ADAMTS16: variants seen among roughly 807,000 people sequenced by gnomAD.
ADAMTS16 encodes the protein ADAM metallopeptidase with thrombospondin type 1 motif 16.
A neutral mutation model predicts 145.8 loss-of-function variants in ADAMTS16; 94 were observed. The ratio of observed to expected loss-of-function variants is 0.64; its 90% CI spans 0.55 to 0.77. The LOEUF is 0.77. Among genes scored for constraint, ADAMTS16 ranks in the 30% least tolerant of loss-of-function variants. The pLI is 0.00. For missense variants in ADAMTS16, 1,585 were observed against 1,591.5 expected (o/e 1.00, Z 0.07); for synonymous variants, 659 against 604.3 (o/e 1.09, Z -1.33).
chr5:5,220,139 A>G (rs1030528613), intron 10 of ADAMTS16, among the ~76,000 whole-genome samples: 9 of 150,860 alleles, frequency 6.0e-5, no homozygotes, highest in Non-Finnish European at 1.2e-4. Flanking sequence ...GATAAGGAAC[A>G]TAGTAAAATA....
chr5:5,241,809 C>T (rs764899153), intron 16 of ADAMTS16, among the ~76,000 whole-genome samples: 2 of 146,168 alleles, frequency 1.4e-5, no homozygotes, highest in Non-Finnish European at 3.0e-5. Flanking sequence ...TGAAGTTTTA[C>T]ATGCGGGCAT....
chr5:5,229,304 CAAAAA>C (rs1195176050), intron 11 of ADAMTS16, among the ~76,000 whole-genome samples: 2 of 75,542 alleles, frequency 2.6e-5, no homozygotes, highest in Non-Finnish European at 4.9e-5. Context: ...GACTCCGTCT[CAAAAA>C]AAAAAAAAAA....
In ADAMTS16 at chr5:5,186,217, A is replaced by C; in HGVS notation, c.929A>C (p.Asn310Thr). ...KKMMQNHGHE[N>T]ITTYVLTILN... Reference sequence around the variant, plus strand: ...ATGATGCAAAACCATGGCCATGAAAATATCACCACCTACGTGCTCACGATA... The same window carrying C: ...ATGATGCAAAACCATGGCCATGAAACTATCACCACCTACGTGCTCACGATA... Residue 310 changes from asparagine to threonine, a missense_variant, in exon 5 of 23, where the codon AAT (asparagine) becomes ACT (threonine). Transcript: ENST00000274181. 6.2e-7 allele frequency: 1 copy of C among 1,613,914 alleles called. No homozygotes were observed. The highest frequency in any genetic ancestry group is 8.5e-7 in the Non-Finnish European group (1 of 1,180,006).
At chr5:5,234,597 C>T (rs564595957) in intron 12 of ADAMTS16, among the ~76,000 whole-genome samples, 33 of 152,248 alleles carry the variant, frequency 2.2e-4, no homozygotes, top group African/African-American at 7.5e-4. Flanking sequence ...TCCAGCTGGG[C>T]GTGGTGGCTT....
chr5:5,272,360 A>T (rs371373365), intron 18 of ADAMTS16, among the ~76,000 whole-genome samples: 4 of 122,504 alleles, frequency 3.3e-5, no homozygotes, highest in South Asian at 2.9e-4. Flanking sequence ...ATTCCAAAGG[A>T]TTTTTTTTTT....
chr5:5,301,357 A>T (rs1318003932), intron 18 of ADAMTS16, among the ~76,000 whole-genome samples: 1 of 152,210 alleles, frequency 6.6e-6, no homozygotes, highest in Non-Finnish European at 1.5e-5. Flanking sequence ...TGCTGGGATT[A>T]CAGGCGTGAG....
intron 18 of ADAMTS16, among the ~76,000 whole-genome samples, chr5:5,275,246 A>G (rs1471446382): frequency 6.6e-6 from 1 of 152,204 alleles, no homozygotes; most frequent in Non-Finnish European, 1.5e-5. Flanking sequence ...TTCCAAATGT[A>G]TGGAAGCTTC....
At chr5:5,198,399 T>C (rs538824843) in intron 8 of ADAMTS16, among the ~76,000 whole-genome samples, 1 of 152,294 alleles carries the variant, frequency 6.6e-6, no homozygotes, top group East Asian at 1.9e-4. Context: ...TTGGTACTGA[T>C]CAAGAATTTT....
Position 5,157,555 on chromosome 5 carries a change from A to G in ADAMTS16, c.501+11100A>G, listed in dbSNP as rs148856262. Among the ~76,000 whole-genome samples the G allele has an allele frequency of 7.9e-3, 1,207 of 152,278 alleles. 65 individuals carry two copies. The highest frequency in any genetic ancestry group is 0.075 in the Admixed American group (1,150 of 15,292). ...CATCTGGTGGCTCTAATTTTCTGTC[A>G]CTGAATAGGTATTTGTACAGCCCTT... is the stretch of plus-strand genomic sequence containing the variant. On this transcript the variant is annotated intron_variant, in intron 3 of 22. Coordinates refer to ENST00000274181, the MANE Select transcript of ADAMTS16 (RefSeq NM_139056.4).
intron 18 of ADAMTS16, among the ~76,000 whole-genome samples, chr5:5,270,339 C>T (rs558793441): frequency 3.6e-4 from 55 of 152,264 alleles, no homozygotes; most frequent in African/African-American, 1.3e-3. Context: ...CAGACAAAGG[C>T]GCTGGGCGGC....
At chr5:5,203,215 C>T (rs1451237565) in intron 9 of ADAMTS16, among the ~76,000 whole-genome samples, 8 of 152,186 alleles carry the variant, frequency 5.3e-5, no homozygotes, top group Non-Finnish European at 1.0e-4. Flanking sequence ...AAGAAAGTCT[C>T]TTGTTGTTAA....
chr5:5,217,480 A>G (rs553624941), intron 10 of ADAMTS16, among the ~76,000 whole-genome samples: 1 of 152,322 alleles, frequency 6.6e-6, no homozygotes, highest in African/African-American at 2.4e-5. Flanking sequence ...GAATTTTTAT[A>G]GTTTCAGGTC....
Position 5,191,779 on chromosome 5 carries a change from G to A in ADAMTS16, c.1302G>A (p.Glu434=), listed in dbSNP as rs747317880. The change falls in exon 8 of 23, where the codon GAG becomes GAA. Residue 434 remains glutamate (E), a synonymous_variant. Transcript: ENST00000274181. ...GACTGGCCTTCACCATTGCCCATGA[G>A]TCTGGACACAAGTAAGTGCATCTCC... The part of the protein sequence containing the change: ...GLGLAFTIAH[E]SGHNFGMIHD... 1.9e-5 allele frequency: 30 copies of A among 1,611,612 alleles called. No individual in the cohort carries two copies. The highest frequency in any genetic ancestry group is 2.3e-5 in the Non-Finnish European group (27 of 1,179,000).
Position 5,303,316 on chromosome 5 carries a change from T to A in ADAMTS16, c.2838T>A (p.Gly946=). 6.4e-7 allele frequency: 1 copy of A among 1,567,472 alleles called. No homozygotes were observed. Among genetic ancestry groups the A allele is most frequent in the Non-Finnish European group, 8.6e-7 (1 of 1,157,006 alleles). ...WSACSRTCGG[G]AQSRPVQCTR... ...CCTGCAGTCGGACGTGTGGCGGGGG[T>A]GCCCAGAGCCGCCCCGTGCAGTGCA... The change falls in exon 19 of 23, where the codon GGT becomes GGA. Residue 946 remains glycine (G), a synonymous_variant. Coordinates refer to ENST00000274181, the MANE Select transcript of ADAMTS16 (RefSeq NM_139056.4).
At chr5:5,149,377 C>A (rs1010264552) in intron 3 of ADAMTS16, among the ~76,000 whole-genome samples, 1 of 152,128 alleles carries the variant, frequency 6.6e-6, no homozygotes, top group Non-Finnish European at 1.5e-5. Context: ...AATGGATAGA[C>A]TTAGAGGGCT....
At chr5:5,253,981 C>T (rs1472964126) in intron 17 of ADAMTS16, among the ~76,000 whole-genome samples, 1 of 152,176 alleles carries the variant, frequency 6.6e-6, no homozygotes, top group Non-Finnish European at 1.5e-5. Flanking sequence ...TGTCTTTTCG[C>T]GTGAATCTCT....
At position 5,319,129 on chromosome 5, in the gene ADAMTS16, C is replaced by T; in HGVS notation, c.3666C>T (p.Ser1222=). 6.2e-7 allele frequency: 1 copy of T among 1,610,140 alleles called. No individual in the cohort carries two copies. Among genetic ancestry groups the T allele is most frequent in the Non-Finnish European group, 8.5e-7 (1 of 1,178,380 alleles). Residue 1222 remains serine, a synonymous_variant, in exon 23 of 23, where the codon TCC becomes TCT. Transcript: ENST00000274181. ...GKQCCKTCSK[S]NL ...AGTGCTGCAAGACTTGCTCTAAGTC[C>T]AACTTGTGAGTTGGGACCGCTCTCC...
chr5:5,167,012 A>C (rs1422404111), intron 3 of ADAMTS16, among the ~76,000 whole-genome samples: 1 of 152,150 alleles, frequency 6.6e-6, no homozygotes, highest in Admixed American at 6.6e-5. Flanking sequence ...TGATGACCCT[A>C]TGTAAAAGTC....
At chr5:5,314,289 T>C (rs1054257756) in intron 21 of ADAMTS16, among the ~76,000 whole-genome samples, 27 of 152,200 alleles carry the variant, frequency 1.8e-4, no homozygotes, top group African/African-American at 6.5e-4. Context: ...AATAAATGTG[T>C]GAAGCCTGTG....
Sources: gnomAD v4.1 joint callset for allele counts (sites outside exome capture counted in the v4.1 genomes callset) on GRCh38, gnomAD v4.1.1 for gene constraint, MANE v1.5 for transcripts, NCBI Gene and HGNC (gene_info 2026-07-23, HGNC 2026-07-21) for gene names.